Variants in ZNF385D observed in about 807,000 individuals in gnomAD.
ZNF385D encodes zinc finger protein 659.
Under a neutral mutation model 35.8 loss-of-function variants are expected in ZNF385D, and 15 were observed. That is an observed-to-expected ratio of 0.42 (90% CI 0.28 to 0.64). The LOEUF (loss-of-function observed/expected upper bound fraction) is 0.64, where lower values mean the gene tolerates loss of function less well. ZNF385D is among the 30% of genes least tolerant of loss of function. The pLI, the probability that ZNF385D is intolerant of heterozygous loss-of-function variation, is 0.23. For missense variants in ZNF385D, 474 were observed against 494.6 expected (o/e 0.96, Z 0.39); for synonymous variants, 212 against 186.8 (o/e 1.13, Z -1.10).
At chr3:22,260,123 A>C (rs1457149681) in intron 2 of ZNF385D, among the ~76,000 whole-genome samples, 3 of 152,050 alleles carry the variant, frequency 2.0e-5, no homozygotes, top group Admixed American at 1.3e-4. Flanking sequence ...CATTGTATTC[A>C]GGCTTTCCTT....
chr3:22,188,406 A>C (rs1489452475), intron 2 of ZNF385D, among the ~76,000 whole-genome samples: 5 of 152,146 alleles, frequency 3.3e-5, no homozygotes, highest in African/African-American at 4.8e-5. Flanking sequence ...TGTGTGTTTT[A>C]GCAAGTTATT....
intron 3 of ZNF385D, among the ~76,000 whole-genome samples, chr3:21,951,236 T>C (rs1464385999): frequency 6.6e-6 from 1 of 151,752 alleles, no homozygotes; most frequent in Non-Finnish European, 1.5e-5. Flanking sequence ...CAGTGGTTTG[T>C]AGTTCTCCTT....
intron 2 of ZNF385D, among the ~76,000 whole-genome samples, chr3:22,333,837 C>A (rs1401083635): frequency 2.6e-5 from 4 of 152,100 alleles, no homozygotes; most frequent in Non-Finnish European, 5.9e-5. Flanking sequence ...CTGGTGGATA[C>A]CAGAGAGAGA....
At chr3:21,689,968 G>C (rs189555358) in intron 1 of ZNF385D, among the ~76,000 whole-genome samples, 1 of 151,350 alleles carries the variant, frequency 6.6e-6, no homozygotes, top group Non-Finnish European at 1.5e-5. Context: ...AACTCTTAAT[G>C]AGTGCAAGTG....
chr3:21,565,492 C>T (rs1411865201), intron 2 of ZNF385D, among the ~76,000 whole-genome samples: 5 of 152,134 alleles, frequency 3.3e-5, no homozygotes, highest in Non-Finnish European at 7.4e-5. Context: ...AGCCCTCCCA[C>T]TTGAGCCTCC....
intron 3 of ZNF385D, among the ~76,000 whole-genome samples, chr3:21,848,101 A>C (rs1188633754): frequency 2.0e-5 from 3 of 152,056 alleles, no homozygotes; most frequent in Non-Finnish European, 4.4e-5. Context: ...GACTTATTTC[A>C]CTTAGCCCAA....
chr3:22,299,125 T>A (rs1354085725), intron 2 of ZNF385D, among the ~76,000 whole-genome samples: 1 of 151,864 alleles, frequency 6.6e-6, no homozygotes, highest in Non-Finnish European at 1.5e-5. Flanking sequence ...TTTCACTGTA[T>A]CTGTAAAAAC....
At chr3:22,358,241 A>G (rs1393215583) in intron 2 of ZNF385D, among the ~76,000 whole-genome samples, 2 of 151,906 alleles carry the variant, frequency 1.3e-5, no homozygotes, top group African/African-American at 4.8e-5. Flanking sequence ...GGAAATGAAG[A>G]CAAAGCATAG....
At chr3:22,165,496 G>T (rs1198843402) in intron 3 of ZNF385D, among the ~76,000 whole-genome samples, 1 of 152,086 alleles carries the variant, frequency 6.6e-6, no homozygotes. Flanking sequence ...AATCATGTGG[G>T]AAAATATTTT....
intron 2 of ZNF385D, among the ~76,000 whole-genome samples, chr3:21,656,850 A>G (rs893806803): frequency 2.2e-4 from 34 of 151,904 alleles, no homozygotes; most frequent in African/African-American, 6.5e-4. Flanking sequence ...TAACATGTCT[A>G]TGTCTAAGTG....
rs12106948 is a variant in ZNF385D at position 22,335,537 on chromosome 3, A to G, written c.106+36913T>C. 3.8e-3 allele frequency among the ~76,000 whole-genome samples: 582 copies of G among 152,246 alleles called. 3 individuals are homozygous for G. Among genetic ancestry groups the G allele is most frequent in the African/African-American group, 0.013 (539 of 41,560 alleles). On this transcript the variant is annotated intron_variant, in intron 2 of 5. Transcript: ENST00000494108. Reference sequence around the variant, plus strand: ...CTTTTAACAAAAGCCTAAATCCTATAATCAATCCTATTGAATACCCTCTTA... The same window carrying G: ...CTTTTAACAAAAGCCTAAATCCTATGATCAATCCTATTGAATACCCTCTTA...
Position 22,056,683 on chromosome 3 carries a change from CATA to C in ZNF385D, c.325+112131_325+112133del, listed in dbSNP as rs372897302. 1.3e-3 allele frequency among the ~76,000 whole-genome samples: 200 copies of C among 152,312 alleles called. 1 individual carries two copies. The highest frequency in any genetic ancestry group is 4.3e-3 in the African/African-American group (179 of 41,574). ...TTGTTCAGTGTACATCAGCTATTGCCATAATAATGCTGTGTAACAATCCACAGA... is the reference window on the plus strand; with the variant it reads ...TTGTTCAGTGTACATCAGCTATTGCCATAATGCTGTGTAACAATCCACAGA... On this transcript the variant is annotated intron_variant, in intron 3 of 5. Transcript: ENST00000494108.
At chr3:21,974,340 A>G (rs1401148323) in intron 3 of ZNF385D, among the ~76,000 whole-genome samples, 3 of 152,162 alleles carry the variant, frequency 2.0e-5, no homozygotes, top group East Asian at 1.9e-4. Flanking sequence ...AATATCTTCA[A>G]TAAGTGGTGC....
At chr3:21,679,442 T>C (rs2066831000) in intron 1 of ZNF385D, among the ~76,000 whole-genome samples, 1 of 152,104 alleles carries the variant, frequency 6.6e-6, no homozygotes, top group African/African-American at 2.4e-5. Flanking sequence ...GGAGTATTCA[T>C]GGCTGGGTCA....
At chr3:22,003,672 G>C (rs895331325) in intron 3 of ZNF385D, among the ~76,000 whole-genome samples, 5 of 152,072 alleles carry the variant, frequency 3.3e-5, no homozygotes, top group Admixed American at 1.3e-4. Flanking sequence ...TTCGAGACCA[G>C]CTGGGCCAAC....
intron 3 of ZNF385D, among the ~76,000 whole-genome samples, chr3:21,870,004 A>AT (rs1040833368): frequency 6.6e-5 from 10 of 151,838 alleles, no homozygotes; most frequent in South Asian, 2.1e-4. Flanking sequence ...CCCACTGTGG[A>AT]TTTTTTTTTA....
At chr3:21,966,874 G>A (rs575327484) in intron 3 of ZNF385D, among the ~76,000 whole-genome samples, 40 of 152,330 alleles carry the variant, frequency 2.6e-4, no homozygotes, top group African/African-American at 4.3e-4. Context: ...ATAGCGCTGC[G>A]ATTATGGGCT....
chr3:21,999,222 G>A (rs79224354), intron 3 of ZNF385D, among the ~76,000 whole-genome samples: 4,208 of 152,188 alleles, frequency 0.028, 209 homozygotes, highest in African/African-American at 0.096. Flanking sequence ...ATGTCAAATA[G>A]CAAGGATATT....
At chr3:22,100,538 C>T (rs1385751340) in intron 3 of ZNF385D, among the ~76,000 whole-genome samples, 1 of 152,020 alleles carries the variant, frequency 6.6e-6, no homozygotes, top group African/African-American at 2.4e-5. Flanking sequence ...TTTGTAGGGA[C>T]ATGGATGAAA....
Sources: allele counts gnomAD v4.1 joint callset (sites outside exome capture counted in the v4.1 genomes callset), GRCh38; gene constraint gnomAD v4.1.1; transcripts MANE v1.5; gene names NCBI Gene and HGNC (gene_info 2026-07-23, HGNC 2026-07-21).